SNX29: variants seen among roughly 807,000 people sequenced by gnomAD.
The protein encoded by SNX29 is sorting nexin 29, also known as sorting nexin-29.
In SNX29, 78 loss-of-function variants were observed where a neutral mutation model predicts 102.1. The observed-to-expected ratio is 0.76, with a 90% confidence interval of 0.64 to 0.92. The LOEUF is 0.92. Ranked by LOEUF, SNX29 falls within the 40% of genes least tolerant of loss-of-function variation. The pLI is 0.00. For synonymous variants in SNX29, 580 were observed against 414.5 expected (o/e 1.40, Z -4.85); for missense variants, 1,280 against 1,061.7 (o/e 1.21, Z -2.86).
At chr16:12,472,529 CAAAAAAAAAA>C (rs60223249) in intron 18 of SNX29, among the ~76,000 whole-genome samples, 2 of 72,942 alleles carry the variant, frequency 2.7e-5, no homozygotes, top group Non-Finnish European at 6.5e-5. Context: ...AAAAAAAAAC[CAAAAAAAAAA>C]AAAACAAAAA....
chr16:12,365,810 A>G (rs2082452540), intron 16 of SNX29, among the ~76,000 whole-genome samples: 1 of 151,724 alleles, frequency 6.6e-6, no homozygotes, highest in South Asian at 2.1e-4. Flanking sequence ...TGGGAGGCCG[A>G]GGCAGGCGGA....
chr16:12,552,463 C>G (rs543971275), intron 20 of SNX29, among the ~76,000 whole-genome samples: 29 of 152,308 alleles, frequency 1.9e-4, no homozygotes, highest in African/African-American at 6.5e-4. Flanking sequence ...TCGGGTCCAT[C>G]TCATCACCCA....
intron 1 of SNX29, among the ~76,000 whole-genome samples, chr16:11,995,399 G>A (rs139558284): frequency 5.4e-4 from 82 of 152,114 alleles, no homozygotes; most frequent in African/African-American, 2.0e-3. Context: ...TCAGGGCTAA[G>A]TTGGCCACAG....
At chr16:12,004,162 A>C (rs1196890647) in intron 3 of SNX29, among the ~76,000 whole-genome samples, 2 of 151,958 alleles carry the variant, frequency 1.3e-5, no homozygotes, top group East Asian at 3.9e-4. Flanking sequence ...CAAGATGGTG[A>C]AACCCCGTCT....
chr16:12,424,187 C>G (rs1449633903), intron 18 of SNX29, among the ~76,000 whole-genome samples: 3 of 152,242 alleles, frequency 2.0e-5, no homozygotes, highest in East Asian at 1.9e-4. Flanking sequence ...CAGCGACTTT[C>G]TCTTGTCGAT....
intron 15 of SNX29, among the ~76,000 whole-genome samples, chr16:12,301,947 G>C (rs970682430): frequency 1.3e-5 from 2 of 152,076 alleles, no homozygotes; most frequent in Non-Finnish European, 2.9e-5. Flanking sequence ...CTCATCCCTT[G>C]TACCATGTTT....
chr16:12,498,350 T>A (rs978060326), intron 19 of SNX29, among the ~76,000 whole-genome samples: 10 of 152,124 alleles, frequency 6.6e-5, no homozygotes, highest in African/African-American at 1.7e-4. Context: ...GTTTGGAATT[T>A]TATCCTGAAA....
intron 14 of SNX29, among the ~76,000 whole-genome samples, chr16:12,199,889 C>G (rs577030022): frequency 2.4e-4 from 37 of 152,326 alleles, no homozygotes; most frequent in African/African-American, 7.7e-4. Context: ...GTAAGACTCA[C>G]TTGCTAGACT....
intron 20 of SNX29, among the ~76,000 whole-genome samples, chr16:12,565,554 G>A (rs935326518): frequency 1.3e-5 from 2 of 152,078 alleles, no homozygotes; most frequent in African/African-American, 4.8e-5. Context: ...CCATCCCTGT[G>A]TCACAGAAGC....
intron 14 of SNX29, among the ~76,000 whole-genome samples, chr16:12,228,725 C>T (rs2077687967): frequency 6.6e-6 from 1 of 152,230 alleles, no homozygotes; most frequent in Admixed American, 6.5e-5. Context: ...GTTCCTGGAA[C>T]AAGCCGTGTT....
chr16:12,219,414 T>C (rs976300054), intron 14 of SNX29, among the ~76,000 whole-genome samples: 12 of 152,214 alleles, frequency 7.9e-5, no homozygotes, highest in African/African-American at 2.4e-4. Context: ...CTTTATTACG[T>C]GCAGAACGTT....
chr16:12,394,429 G>A lies in SNX29; in HGVS notation c.1900-4017G>A, dbSNP rs147279465. ...CTACTTACTACCTGAAGGACCTTGGGCAAGTTACTTTTATGGATTATATGT... is the reference window on the plus strand; with the variant it reads ...CTACTTACTACCTGAAGGACCTTGGACAAGTTACTTTTATGGATTATATGT... On this transcript the variant is annotated intron_variant, in intron 16 of 20. Transcript: ENST00000566228. 5.8e-4 allele frequency among the ~76,000 whole-genome samples: 89 copies of A among 152,308 alleles called. 2 individuals are homozygous for A. The East Asian group carries it at 0.012, about 21-fold the overall frequency.
intron 14 of SNX29, among the ~76,000 whole-genome samples, chr16:12,261,967 T>G (rs1291463754): frequency 7.9e-6 from 1 of 127,372 alleles, no homozygotes; most frequent in Non-Finnish European, 1.6e-5. Context: ...GAGTGAGTGT[T>G]TGCTGAGCTC....
At chr16:12,462,933 C>G (rs979028198) in intron 18 of SNX29, among the ~76,000 whole-genome samples, 4 of 152,204 alleles carry the variant, frequency 2.6e-5, no homozygotes, top group Admixed American at 1.3e-4. Flanking sequence ...TTTTACATCC[C>G]CCTGCTATGA....
At chr16:12,457,357 C>T (rs1180057102) in intron 18 of SNX29, among the ~76,000 whole-genome samples, 1 of 152,194 alleles carries the variant, frequency 6.6e-6, no homozygotes, top group Non-Finnish European at 1.5e-5. Flanking sequence ...ATTGAGGCAG[C>T]AGTTCCCACA....
Position 12,572,902 on chromosome 16 carries a change from A to T in SNX29, c.*4273A>T, listed in dbSNP as rs1470606766. On this transcript the variant is annotated 3_prime_UTR_variant, in exon 21 of 21. Coordinates refer to ENST00000566228, the MANE Select transcript of SNX29 (RefSeq NM_032167.5). ...GACTCTGCCTTGGCATTTCGCTCGG[A>T]ATCACGGCAGACTTGGAGTGTTTCT... The T allele has an allele frequency of 2.0e-6, 2 of 1,024,294 alleles. No individual in the cohort carries two copies. Among genetic ancestry groups the T allele is most frequent in the Non-Finnish European group, 2.4e-6 (2 of 842,526 alleles). 63.5% of individuals were successfully genotyped at this position (1,024,294 alleles called of 1,614,324 possible).
intron 6 of SNX29, among the ~76,000 whole-genome samples, chr16:12,047,593 C>T (rs1024973137): frequency 1.3e-5 from 2 of 151,668 alleles, no homozygotes; most frequent in African/African-American, 4.8e-5. Context: ...AATATTGTCC[C>T]CATCTTACAG....
intron 15 of SNX29, among the ~76,000 whole-genome samples, chr16:12,311,936 G>C (rs1448550128): frequency 6.6e-6 from 1 of 152,194 alleles, no homozygotes; most frequent in African/African-American, 2.4e-5. Context: ...TGGGTAGGCA[G>C]CTCTTTTCCA....
intron 18 of SNX29, among the ~76,000 whole-genome samples, chr16:12,462,016 T>TATATATACAC (rs1555544564): frequency 4.6e-5 from 3 of 65,206 alleles, no homozygotes; most frequent in African/African-American, 9.9e-5. Context: ...TATATATGTA[T>TATATATACAC]ACACACACAC....
Sources: gnomAD v4.1 joint callset for allele counts (sites outside exome capture counted in the v4.1 genomes callset) on GRCh38, gnomAD v4.1.1 for gene constraint, MANE v1.5 for transcripts, NCBI Gene and HGNC (gene_info 2026-07-23, HGNC 2026-07-21) for gene names.